The following RMDN1 variants were observed in gnomAD, a reference collection of about 807,000 sequenced individuals.
The protein encoded by RMDN1 is regulator of microtubule dynamics 1.
RMDN1 carries 48 observed loss-of-function variants against 48.9 expected under a neutral mutation model. The observed-to-expected ratio is 0.98, with a 90% CI of 0.78 to 1.25. The LOEUF (loss-of-function observed/expected upper bound fraction) is 1.25. RMDN1 is among the 50% of genes most tolerant of loss of function. The probability of loss-of-function intolerance (pLI) is 0.00; values close to 1 mark genes in which losing one functional copy is unlikely to be tolerated. For synonymous variants in RMDN1, 148 were observed against 132.6 expected (o/e 1.12, Z -0.80); for missense variants, 418 against 373.4 (o/e 1.12, Z -0.98).
chr8:86,505,472 G>A (rs1247530706), intron 2 of RMDN1: 31 of 406,210 alleles, frequency 7.6e-5, no homozygotes, highest in South Asian at 4.5e-4. Context: ...GAAGGCAGAC[G>A]GGGTTTATGT....
In RMDN1 at chr8:86,508,597, C is replaced by A. The variant is rs1819809367; in HGVS notation, c.24G>T (p.Trp8Cys). 1.2e-6 allele frequency: 2 copies of A among 1,604,534 alleles called. No homozygotes were observed. Among genetic ancestry groups the A allele is most frequent in the African/African-American group, 1.3e-5 (1 of 74,766 alleles). ...CTCCACGTCGGAAAGGCAGAAGGCG[C>A]CACAGTCGAGCAGCCAGCGCCATGA... MALAARLWRLLPFRRGAA... is the reference protein window; with the variant it reads MALAARLCRLLPFRRGAA... The change falls in exon 1 of 10, where the codon TGG becomes TGT. Residue 8 changes from tryptophan (W) to cysteine (C), a missense_variant. By Grantham distance (215) the Trp-to-Cys change is radical. Transcript: ENST00000406452.
chr8:86,501,917 AT>A (rs201115309), intron 2 of RMDN1, among the ~76,000 whole-genome samples: 1 of 151,398 alleles, frequency 6.6e-6, no homozygotes, highest in Non-Finnish European at 1.5e-5. Flanking sequence ...TCATAAATAC[AT>A]TTAAAAAAAA....
At chr8:86,511,788 G>A (rs970254451), upstream of RMDN1, among the ~76,000 whole-genome samples, 1 of 147,886 alleles carries the variant, frequency 6.8e-6, no homozygotes. Context: ...ATCCCAGCCT[G>A]GCTGGGTGAC....
intron 2 of RMDN1, chr8:86,504,168 T>C (rs1818877332): frequency 7.6e-6 from 11 of 1,444,242 alleles, no homozygotes; most frequent in Non-Finnish European, 9.7e-6. Context: ...TCCTTCCTGC[T>C]ATCCTACAAA....
intron 3 of RMDN1, among the ~76,000 whole-genome samples, chr8:86,487,383 C>G (rs1255824273): frequency 1.3e-5 from 2 of 152,194 alleles, no homozygotes; most frequent in African/African-American, 4.8e-5. Context: ...GCGGGCAGAT[C>G]ACCTGAGGTC....
chr8:86,483,362 T>C (rs1434258660), intron 5 of RMDN1, among the ~76,000 whole-genome samples: 1 of 152,218 alleles, frequency 6.6e-6, no homozygotes, highest in Non-Finnish European at 1.5e-5. Flanking sequence ...ATGTCATGTA[T>C]TTCTACATCC....
intron 2 of RMDN1, among the ~76,000 whole-genome samples, chr8:86,496,204 T>G: frequency 6.6e-6 from 1 of 152,168 alleles, no homozygotes; most frequent in East Asian, 1.9e-4. Flanking sequence ...AAAACACACT[T>G]AAGTTCATAG....
At chr8:86,502,753 G>A (rs575339140) in intron 2 of RMDN1, among the ~76,000 whole-genome samples, 1 of 152,194 alleles carries the variant, frequency 6.6e-6, no homozygotes, top group African/African-American at 2.4e-5. Flanking sequence ...CTATAAAGCA[G>A]GGATTAGCAA....
Position 86,482,686 on chromosome 8 carries a change from A to T in RMDN1, c.585+2186T>A. ...GTCGGAAAAAGACTTTATGGAGTTC[A>T]TGATCAAGGGGACCCCAGCTTTGGT... On this transcript the variant is annotated intron_variant, in intron 5 of 9. Coordinates refer to ENST00000406452, the MANE Select transcript of RMDN1 (RefSeq NM_016033.3). The T allele has an allele frequency of 6.4e-6, 6 of 941,304 alleles. No individual in the cohort carries two copies. In the South Asian group the frequency reaches 6.4e-5, roughly 10 times the overall value. The allele number at this position is 941,304 out of a possible 1,614,324, so 58.3% of individuals were successfully genotyped here.
At chr8:86,509,587 G>A (rs1408978050), upstream of RMDN1, among the ~76,000 whole-genome samples, 1 of 152,152 alleles carries the variant, frequency 6.6e-6, no homozygotes, top group African/African-American at 2.4e-5. Context: ...TTTTAATACT[G>A]TATAGGGAAT....
In RMDN1 at chr8:86,478,735, G is replaced by A. The variant is rs564719013; in HGVS notation, c.729+188C>T. On this transcript the variant is annotated intron_variant, in intron 7 of 9. Coordinates refer to ENST00000406452, the MANE Select transcript of RMDN1 (RefSeq NM_016033.3). The stretch of plus-strand genomic sequence containing the variant: ...CAGAATTACCAGCCACTCACCTAAC[G>A]GGGAAAAAGAAAACCACTCACCAGT... 8.0e-5 allele frequency: 45 copies of A among 560,760 alleles called. 1 individual carries two copies. Among genetic ancestry groups the A allele is most frequent in the South Asian group, 1.9e-4 (8 of 42,672 alleles). The allele number at this position is 560,760 out of a possible 1,614,324, so 34.7% of individuals were successfully genotyped here. A position where few individuals can be genotyped will look rare whatever the true frequency, so the allele number is the denominator to read the frequency against.
intron 1 of RMDN1, among the ~76,000 whole-genome samples, 153 bp from the exon 2 acceptor site, chr8:86,507,265 A>G (rs1819525029): frequency 6.6e-6 from 1 of 152,182 alleles, no homozygotes; most frequent in South Asian, 2.1e-4. Flanking sequence ...CTTTAGTAAA[A>G]CTATCTCAAA....
chr8:86,503,390 C>CGAAACAAAACA (rs1818711435), intron 2 of RMDN1, among the ~76,000 whole-genome samples: 1 of 56,588 alleles, frequency 1.8e-5, no homozygotes, highest in Non-Finnish European at 3.5e-5. Flanking sequence ...AAAAAAAAAA[C>CGAAACAAAACA]AAAAAAAAAT....
intron 7 of RMDN1, 54 bp downstream of exon 7, chr8:86,478,869 A>C: frequency 2.2e-6 from 3 of 1,375,888 alleles, no homozygotes; most frequent in Non-Finnish European, 3.1e-6. Context: ...CACATGGTAG[A>C]ATGGCGCTGT....
At chr8:86,480,167 A>G in intron 6 of RMDN1, 110 bp downstream of exon 6, 1 of 556,642 alleles carries the variant, frequency 1.8e-6, no homozygotes, top group Non-Finnish European at 3.1e-6. Flanking sequence ...GCTCTGTCAG[A>G]TAATATTTTA....
At chr8:86,477,403 C>T in intron 7 of RMDN1, 79 bp from the exon 8 acceptor site, 1 of 1,099,594 alleles carries the variant, frequency 9.1e-7, no homozygotes, top group Non-Finnish European at 1.3e-6. Flanking sequence ...TCTCAAAGAT[C>T]TACTGCTATA....
chr8:86,511,536 G>A (rs974973681), upstream of RMDN1, among the ~76,000 whole-genome samples: 9 of 151,468 alleles, frequency 5.9e-5, no homozygotes, highest in Admixed American at 2.0e-4. Context: ...AAGGCTGGGC[G>A]TGGTGCCTCA....
intron 2 of RMDN1, among the ~76,000 whole-genome samples, chr8:86,503,385 A>AAAAAAAAC (rs1554594088): frequency 1.2e-5 from 1 of 81,092 alleles, no homozygotes; most frequent in African/African-American, 6.8e-5. Flanking sequence ...AAAAAAAAAA[A>AAAAAAAAC]AAAACAAAAA....
intron 2 of RMDN1, chr8:86,503,896 CT>C (rs1818831038): frequency 1.5e-6 from 1 of 685,906 alleles, no homozygotes; most frequent in African/African-American, 1.8e-5. Context: ...TGGTGGCTGC[CT>C]TATGGGATTG....
Sources: gnomAD v4.1 joint callset for allele counts (sites outside exome capture counted in the v4.1 genomes callset) on GRCh38, gnomAD v4.1.1 for gene constraint, MANE v1.5 for transcripts, NCBI Gene and HGNC (gene_info 2026-07-23, HGNC 2026-07-21) for gene names.